The following PELP1 variants were observed in gnomAD, a reference collection of about 807,000 sequenced individuals.
PELP1 encodes the protein proline, glutamate and leucine rich protein 1.
Under a neutral mutation model 95.5 loss-of-function variants are expected in PELP1, and 32 were observed. The observed-to-expected ratio is 0.34, with a 90% CI of 0.25 to 0.45. The LOEUF is 0.45. PELP1 is among the 20% of genes least tolerant of loss of function. The pLI, the probability that PELP1 is intolerant of heterozygous loss-of-function variation, is 1.00. For synonymous variants in PELP1, 668 were observed against 600.1 expected (o/e 1.11, Z -1.65); for missense variants, 1,358 against 1,444.8 (o/e 0.94, Z 0.97).
chr17:4,683,460 C>A (rs1912784265), intron 3 of PELP1, among the ~76,000 whole-genome samples: 1 of 151,342 alleles, frequency 6.6e-6, no homozygotes, highest in East Asian at 1.9e-4. Flanking sequence ...ACCTCGTGAT[C>A]TGCCCGCCTT....
intron 1 of PELP1, among the ~76,000 whole-genome samples, chr17:4,694,699 G>A (rs905115646): frequency 1.3e-5 from 2 of 150,746 alleles, no homozygotes; most frequent in Admixed American, 6.6e-5. Context: ...TGGGCCGGGC[G>A]CGGTGGCTTA....
At chr17:4,699,333 T>C (rs1913428179) in intron 1 of PELP1, among the ~76,000 whole-genome samples, 1 of 150,992 alleles carries the variant, frequency 6.6e-6, no homozygotes, top group African/African-American at 2.4e-5. Context: ...TGAGCCAAAA[T>C]CGCACCACTG....
Position 4,675,905 on chromosome 17 carries a change from G to C in PELP1, c.981-21C>G. The C allele has an allele frequency of 6.3e-7, 1 of 1,582,910 alleles. No individual in the cohort carries two copies. The highest frequency in any genetic ancestry group is 8.6e-7 in the Non-Finnish European group (1 of 1,162,428). On this transcript the variant is annotated intron_variant, in intron 8 of 16. Coordinates refer to ENST00000572293, the MANE Select transcript of PELP1 (RefSeq NM_014389.3). The surrounding 1 kb of genome is among the most constrained non-coding windows in gnomAD (Gnocchi z 4.3). The stretch of plus-strand genomic sequence containing the variant: ...CAGAGCTAAAGAGAATCAGAGCAGG[G>C]AGACCTTCAGAGCAGGCTCCCTGGC...
At chr17:4,683,480 A>C (rs1187911436) in intron 3 of PELP1, among the ~76,000 whole-genome samples, 4 of 148,230 alleles carry the variant, frequency 2.7e-5, no homozygotes, top group Non-Finnish European at 5.9e-5. Context: ...TGGCCTCCCA[A>C]AGTGCTGGGA....
At chr17:4,683,814 G>A (rs1190142695) in intron 3 of PELP1, among the ~76,000 whole-genome samples, 41 of 143,856 alleles carry the variant, frequency 2.9e-4, no homozygotes, top group Admixed American at 7.7e-4. Context: ...ACAGGCGTGA[G>A]CCACAGTGCC....
At position 4,690,997 on chromosome 17, in the gene PELP1, CAAAG is replaced by C. The variant is rs779588135; in HGVS notation, c.315-8_315-5del. The C allele has an allele frequency of 1.2e-6, 2 of 1,606,450 alleles. No homozygotes were observed. Among genetic ancestry groups the C allele is most frequent in the East Asian group, 2.2e-5 (1 of 44,840 alleles). On this transcript the variant is annotated splice_polypyrimidine_tract_variant and splice_region_variant and intron_variant, in intron 2 of 16. Transcript: ENST00000572293. ...CAGCAGACACAGGCCCTCAAACCTT[CAAAG>C]AAAGAAGAGAGTCATGTTAAGTGGG...
rs774456693 is a variant in PELP1 at position 4,673,067 on chromosome 17, C to T, written c.1924G>A (p.Gly642Ser). The part of the protein sequence containing the change: ...HPRVPPLQPM[G>S]PTCPTPAPVP... ...GGAGCAGGTGTGGGGCAGGTGGGGCCCATGGGCTGCAGGGGAGGAACCCGG... is the reference window on the plus strand; with the variant it reads ...GGAGCAGGTGTGGGGCAGGTGGGGCTCATGGGCTGCAGGGGAGGAACCCGG... The change falls in exon 16 of 17, where the codon GGC (glycine) becomes AGC (serine). Residue 642 changes from glycine to serine, a missense_variant. Physicochemically the swap from Gly to Ser is moderately conservative, Grantham distance 56. Coordinates refer to ENST00000572293, the MANE Select transcript of PELP1 (RefSeq NM_014389.3). The surrounding 1 kb of genome is among the most constrained non-coding windows in gnomAD (Gnocchi z 5.7). 4.6e-6 allele frequency: 7 copies of T among 1,526,770 alleles called. No individual in the cohort carries two copies. Among genetic ancestry groups the T allele is most frequent in the East Asian group, 2.3e-5 (1 of 44,180 alleles). 94.6% of individuals were successfully genotyped at this position (1,526,770 alleles called of 1,614,324 possible). A position where few individuals can be genotyped will look rare whatever the true frequency, so the allele number is the denominator to read the frequency against.
rs1426512390 is a variant in PELP1, at chr17:4,673,235, GC to G, written c.1845+14del. 1 of 1,558,906 alleles carries G rather than the reference GC, an allele frequency of 6.4e-7. No homozygotes were observed. Among genetic ancestry groups the G allele is most frequent in the Non-Finnish European group, 8.7e-7 (1 of 1,149,826 alleles). On this transcript the variant is annotated intron_variant, in intron 15 of 16. Transcript: ENST00000572293. The surrounding 1 kb of genome is among the most constrained non-coding windows in gnomAD (Gnocchi z 5.7). ...ACTCCAGGAACCAAAGAGGGGCTTG[GC>G]CCATCACAGTTACCTCAAGGCTATC...
intron 1 of PELP1, among the ~76,000 whole-genome samples, chr17:4,698,680 A>G (rs1298235837): frequency 6.6e-6 from 1 of 151,710 alleles, no homozygotes; most frequent in Non-Finnish European, 1.5e-5. Flanking sequence ...CAACAAAAAA[A>G]ACAACTAAAT....
At chr17:4,683,113 T>C in intron 3 of PELP1, 161 bp from the exon 4 acceptor site, 2 of 1,274,978 alleles carry the variant, frequency 1.6e-6, no homozygotes, top group Admixed American at 4.0e-5. Context: ...ACACGGATAC[T>C]GTGTTTACAT....
chr17:4,679,752 C>T (rs1912625107), intron 5 of PELP1, among the ~76,000 whole-genome samples: 1 of 152,118 alleles, frequency 6.6e-6, no homozygotes, highest in Non-Finnish European at 1.5e-5. Context: ...CTCCAAATAC[C>T]TTCTTGACAA....
chr17:4,677,235 A>T (rs896813174), intron 5 of PELP1, among the ~76,000 whole-genome samples: 2 of 152,206 alleles, frequency 1.3e-5, no homozygotes, highest in African/African-American at 4.8e-5. Flanking sequence ...ACAAGGTCAA[A>T]AAAGAAGGCT....
chr17:4,686,457 T>G (rs1456786353), intron 3 of PELP1, among the ~76,000 whole-genome samples: 1 of 152,186 alleles, frequency 6.6e-6, no homozygotes, highest in Non-Finnish European at 1.5e-5. Context: ...TACATAGAGT[T>G]TCTGCTTCCA....
rs1362455633 is a variant in PELP1, at chr17:4,674,664, A to G, written c.1428T>C (p.Arg476=). 6.3e-7 allele frequency: 1 copy of G among 1,596,128 alleles called. No homozygotes were observed. The highest frequency in any genetic ancestry group is 1.4e-5 in the African/African-American group (1 of 73,618). Residue 476 remains arginine, a synonymous_variant, in exon 13 of 17, where the codon CGT becomes CGC. Coordinates refer to ENST00000572293, the MANE Select transcript of PELP1 (RefSeq NM_014389.3). ...ISPPADALKL[R]SPRGSPDGSL... ...TCCCATCAGGGCTCCCCCGCGGGCT[A>G]CGCAGCTGGAGGCAGAGAAAACATA... is the stretch of plus-strand genomic sequence containing the variant.
intron 1 of PELP1, among the ~76,000 whole-genome samples, chr17:4,698,673 CAAA>C (rs916772567): frequency 1.4e-5 from 2 of 141,044 alleles, no homozygotes; most frequent in Non-Finnish European, 3.1e-5. Flanking sequence ...CAAACAACAA[CAAA>C]AAAAACAACT....
intron 3 of PELP1, among the ~76,000 whole-genome samples, chr17:4,690,551 G>A (rs1170244712): frequency 1.3e-5 from 2 of 151,884 alleles, no homozygotes; most frequent in Admixed American, 6.6e-5. Flanking sequence ...TTAAAACCTC[G>A]TCTCTACTAA....
chr17:4,676,927 C>T (rs1912505069), intron 5 of PELP1, 115 bp from the exon 6 acceptor site: 1 of 772,962 alleles, frequency 1.3e-6, no homozygotes, highest in African/African-American at 1.8e-5. Flanking sequence ...TTCCTGTAGA[C>T]ACAAGAAGCA....
chr17:4,685,422 G>A (rs1187081442), intron 3 of PELP1, among the ~76,000 whole-genome samples: 2 of 152,026 alleles, frequency 1.3e-5, no homozygotes, highest in South Asian at 2.1e-4. Flanking sequence ...AATCCAGTCC[G>A]TAAAAGGGCT....
At position 4,679,656 on chromosome 17, in the gene PELP1, C is replaced by T. The variant is rs182911161; in HGVS notation, c.643-2844G>A. ...TCATTTGAGAGGTTAACTTACAGAA[C>T]ATTTGACAAGATAACCAGTTTTTAC... On this transcript the variant is annotated intron_variant, in intron 5 of 16. Transcript: ENST00000572293. Among the ~76,000 whole-genome samples, 512 of 152,294 alleles carry T rather than the reference C, an allele frequency of 3.4e-3. 1 individual carries two copies. The highest frequency in any genetic ancestry group is 0.01 in the Middle Eastern group (3 of 294).
Sources: gnomAD v4.1 joint callset for allele counts (sites outside exome capture counted in the v4.1 genomes callset) on GRCh38, gnomAD v4.1.1 for gene constraint, Gnocchi (gnomAD v3.1) non-coding constraint, MANE v1.5 for transcripts, NCBI Gene and HGNC (gene_info 2026-07-23, HGNC 2026-07-21) for gene names.